The following CAMTA1 variants were observed in gnomAD, a reference collection of about 807,000 sequenced individuals.
CAMTA1 encodes the protein calmodulin binding transcription activator 1.
A neutral mutation model predicts 170.9 loss-of-function variants in CAMTA1; 27 were observed. That is an observed-to-expected ratio of 0.16 (90% CI 0.12 to 0.22). The LOEUF (loss-of-function observed/expected upper bound fraction) is 0.22. Ranked by LOEUF, CAMTA1 falls within the 10% of genes least tolerant of loss-of-function variation. CAMTA1 has a pLI of 1.00. For synonymous variants in CAMTA1, 833 were observed against 891.5 expected (o/e 0.93, Z 1.17); for missense variants, 1,619 against 2,217.2 (o/e 0.73, Z 5.42).
intron 5 of CAMTA1, among the ~76,000 whole-genome samples, chr1:7,348,265 G>A (rs1208913744): frequency 6.6e-6 from 1 of 152,182 alleles, no homozygotes; most frequent in African/African-American, 2.4e-5. Context: ...TTCTGGCCTT[G>A]GTCTCGACGA....
chr1:7,395,362 T>C (rs1420674927), intron 5 of CAMTA1, among the ~76,000 whole-genome samples: 1 of 152,220 alleles, frequency 6.6e-6, no homozygotes, highest in Non-Finnish European at 1.5e-5. Context: ...TTGCCTTTGT[T>C]GAAAATTGGT....
chr1:7,747,934 A>G (rs1057059217), intron 19 of CAMTA1, among the ~76,000 whole-genome samples, 153 bp downstream of exon 19: 1 of 150,530 alleles, frequency 6.6e-6, no homozygotes, highest in Non-Finnish European at 1.5e-5. Context: ...TTTTTTTGAA[A>G]CGGAGTCTGG....
chr1:7,390,162 C>T (rs2088531505), intron 5 of CAMTA1, among the ~76,000 whole-genome samples: 1 of 152,174 alleles, frequency 6.6e-6, no homozygotes, highest in African/African-American at 2.4e-5. Context: ...CCTCTGAGGA[C>T]CCTGGAGAAA....
At chr1:6,997,261 TTG>T (rs56747237) in intron 3 of CAMTA1, among the ~76,000 whole-genome samples, 1 of 151,602 alleles carries the variant, frequency 6.6e-6, no homozygotes, top group Non-Finnish European at 1.5e-5. Flanking sequence ...GTTTTTTGCT[TTG>T]TGTGTGTGTG....
At chr1:7,679,826 C>T (rs1230641509) in intron 11 of CAMTA1, among the ~76,000 whole-genome samples, 2 of 152,244 alleles carry the variant, frequency 1.3e-5, no homozygotes, top group Admixed American at 1.3e-4. Flanking sequence ...GGGTCCACCT[C>T]GGCCCAGGGG....
At chr1:7,009,926 A>T (rs1439715612) in intron 3 of CAMTA1, among the ~76,000 whole-genome samples, 2 of 152,012 alleles carry the variant, frequency 1.3e-5, no homozygotes, top group African/African-American at 4.8e-5. Context: ...TTCCTCAGGG[A>T]GCTCCCCATT....
intron 6 of CAMTA1, among the ~76,000 whole-genome samples, chr1:7,485,757 A>G (rs970798524): frequency 6.6e-6 from 1 of 152,220 alleles, no homozygotes; most frequent in Admixed American, 6.5e-5. Flanking sequence ...GGGCAGGCCA[A>G]TGACTTATCC....
intron 6 of CAMTA1, among the ~76,000 whole-genome samples, chr1:7,515,444 T>C (rs934192831): frequency 1.3e-5 from 2 of 152,190 alleles, no homozygotes; most frequent in Non-Finnish European, 2.9e-5. Flanking sequence ...GTGCCCAATT[T>C]CCTCATGGGC....
At chr1:6,840,263 A>T (rs1655132695) in intron 3 of CAMTA1, among the ~76,000 whole-genome samples, 1 of 152,218 alleles carries the variant, frequency 6.6e-6, no homozygotes, top group Non-Finnish European at 1.5e-5. Context: ...ATGAGCTATT[A>T]GGAAGTGAGC....
At chr1:7,061,010 A>G (rs1460971192) in intron 3 of CAMTA1, among the ~76,000 whole-genome samples, 1 of 151,922 alleles carries the variant, frequency 6.6e-6, no homozygotes, top group East Asian at 1.9e-4. Flanking sequence ...TTCCCTCTCA[A>G]TTTATTTTCA....
intron 5 of CAMTA1, among the ~76,000 whole-genome samples, chr1:7,438,524 T>C (rs2092419604): frequency 6.6e-6 from 1 of 152,046 alleles, no homozygotes; most frequent in Admixed American, 6.5e-5. Context: ...CCTGAGGGCA[T>C]CCCAGGGTCC....
intron 5 of CAMTA1, among the ~76,000 whole-genome samples, chr1:7,305,844 T>C (rs770342956): frequency 7.9e-5 from 12 of 152,118 alleles, no homozygotes; most frequent in Admixed American, 1.3e-4. Context: ...TTTTGTTTTT[T>C]GGCTATTTTA....
intron 5 of CAMTA1, among the ~76,000 whole-genome samples, chr1:7,387,791 G>A (rs2088182198): frequency 6.6e-6 from 1 of 152,240 alleles, no homozygotes; most frequent in Non-Finnish European, 1.5e-5. Context: ...TCCTGGCAGA[G>A]TCCAGTCAGA....
chr1:7,042,963 T>A (rs1572641623), intron 3 of CAMTA1, among the ~76,000 whole-genome samples: 1 of 152,314 alleles, frequency 6.6e-6, no homozygotes, highest in East Asian at 1.9e-4. Flanking sequence ...TGTGGTTGCC[T>A]CAAGAAAACA....
chr1:7,003,088 G>A (rs1698477979), intron 3 of CAMTA1, among the ~76,000 whole-genome samples: 1 of 152,238 alleles, frequency 6.6e-6, no homozygotes, highest in Non-Finnish European at 1.5e-5. Flanking sequence ...GCATTGCAGG[G>A]TGTTTAGCTG....
chr1:6,905,021 A>T (rs527980066), intron 3 of CAMTA1, among the ~76,000 whole-genome samples: 1 of 151,470 alleles, frequency 6.6e-6, no homozygotes, highest in Non-Finnish European at 1.5e-5. Flanking sequence ...CACGCTTGCC[A>T]CTCTGGGGTC....
chr1:7,407,995 G>A (rs1317119775), intron 5 of CAMTA1, among the ~76,000 whole-genome samples: 1 of 152,198 alleles, frequency 6.6e-6, no homozygotes, highest in East Asian at 1.9e-4. Flanking sequence ...ACCAATGCAA[G>A]CAGAGAGCTG....
chr1:6,867,296 G>A (rs1666918925), intron 3 of CAMTA1, among the ~76,000 whole-genome samples: 1 of 152,038 alleles, frequency 6.6e-6, no homozygotes, highest in African/African-American at 2.4e-5. Flanking sequence ...TAAAATACTA[G>A]GTAGAAAGAT....
intron 3 of CAMTA1, among the ~76,000 whole-genome samples, chr1:6,937,811 T>C (rs144281289): frequency 1.6e-3 from 107 of 68,770 alleles, no homozygotes; most frequent in African/African-American, 4.8e-3. Flanking sequence ...CCATCATCAC[T>C]GTCATCACTA....
Sources: gnomAD v4.1 joint callset for allele counts (sites outside exome capture counted in the v4.1 genomes callset) on GRCh38, gnomAD v4.1.1 for gene constraint, MANE v1.5 for transcripts, NCBI Gene and HGNC (gene_info 2026-07-23, HGNC 2026-07-21) for gene names.